The following GPC5 variants were observed in gnomAD, a reference collection of about 807,000 sequenced individuals.
GPC5 encodes the protein glypican-5.
Under a neutral mutation model 53.9 loss-of-function variants are expected in GPC5, and 47 were observed. The observed-to-expected ratio is 0.87, with a 90% CI of 0.69 to 1.11. The LOEUF (loss-of-function observed/expected upper bound fraction) is 1.11, where lower values mean the gene tolerates loss of function less well. Among genes scored for constraint, GPC5 ranks in the 50% most tolerant of loss-of-function variants. GPC5 has a pLI of 0.00. For synonymous variants in GPC5, 286 were observed against 263.3 expected, an observed-to-expected ratio of 1.09 and a Z score of -0.84; for missense variants, 748 against 713.1, an observed-to-expected ratio of 1.05 and a Z score of -0.56.
At chr13:92,063,766 G>A (rs2041142950) in intron 6 of GPC5, among the ~76,000 whole-genome samples, 1 of 151,982 alleles carries the variant, frequency 6.6e-6, no homozygotes, top group Non-Finnish European at 1.5e-5. Context: ...GGAGTTTCGG[G>A]TACCATAAAT....
At chr13:92,586,505 A>C (rs1228735875) in intron 7 of GPC5, among the ~76,000 whole-genome samples, 1 of 152,208 alleles carries the variant, frequency 6.6e-6, no homozygotes, top group Non-Finnish European at 1.5e-5. Flanking sequence ...GTCCTGATGA[A>C]ATTTTGCATT....
At chr13:91,690,793 C>G (rs903193944) in intron 2 of GPC5, among the ~76,000 whole-genome samples, 2 of 152,162 alleles carry the variant, frequency 1.3e-5, no homozygotes, top group Admixed American at 1.3e-4. Flanking sequence ...CTTTATTCCA[C>G]TAAGAATAAT....
chr13:91,855,152 G>A (rs1354699854), intron 5 of GPC5, among the ~76,000 whole-genome samples: 2 of 151,580 alleles, frequency 1.3e-5, no homozygotes, highest in Non-Finnish European at 3.0e-5. Context: ...TGTAAAATTC[G>A]ATAAAGACAA....
At chr13:92,565,576 C>A (rs1347936501) in intron 7 of GPC5, among the ~76,000 whole-genome samples, 1 of 152,032 alleles carries the variant, frequency 6.6e-6, no homozygotes, top group African/African-American at 2.4e-5. Flanking sequence ...GAGTTAATAA[C>A]TTTCAGTAAA....
intron 7 of GPC5, among the ~76,000 whole-genome samples, chr13:92,617,793 C>G (rs1884742621): frequency 6.6e-6 from 1 of 152,072 alleles, no homozygotes; most frequent in South Asian, 2.1e-4. Context: ...AAAATTTATA[C>G]TCATACTATA....
intron 7 of GPC5, among the ~76,000 whole-genome samples, chr13:92,527,339 C>G (rs17437291): frequency 9.9e-5 from 15 of 150,882 alleles, no homozygotes; most frequent in African/African-American, 3.4e-4. Flanking sequence ...CATATTTATG[C>G]GTCCAACAGA....
At position 91,502,295 on chromosome 13, in the gene GPC5, G is replaced by T. The variant is rs1216725710; in HGVS notation, c.325+53373G>T. Among the ~76,000 whole-genome samples the T allele has an allele frequency of 1.3e-5, 2 of 150,950 alleles. 1 individual carries two copies. The highest frequency in any genetic ancestry group is 2.9e-5 in the Non-Finnish European group (2 of 67,846). On this transcript the variant is annotated intron_variant, in intron 2 of 7. Coordinates refer to ENST00000377067, the MANE Select transcript of GPC5 (RefSeq NM_004466.6). ...TTGGCTTTTGTTGCCATTGCTTTTG[G>T]TGTTTTAGACATGAAGTCCTTGCTC...
rs146649213 is a variant in GPC5, at chr13:92,231,774, G to A, written c.1561+86785G>A. Among the ~76,000 whole-genome samples, 497 of 151,864 alleles carry A rather than the reference G, an allele frequency of 3.3e-3. 2 individuals carry two copies. Among genetic ancestry groups the A allele is most frequent in the African/African-American group, 0.011 (466 of 41,384 alleles). Reference sequence around the variant, plus strand: ...CGAGATCAGGAGTTTGAGACCAGCCGGGCCAACATGGTGAAACCCCATCTC... The same window carrying A: ...CGAGATCAGGAGTTTGAGACCAGCCAGGCCAACATGGTGAAACCCCATCTC... On this transcript the variant is annotated intron_variant, in intron 7 of 7. Coordinates refer to ENST00000377067, the MANE Select transcript of GPC5 (RefSeq NM_004466.6).
intron 7 of GPC5, among the ~76,000 whole-genome samples, chr13:92,629,411 T>C (rs1260035458): frequency 1.3e-5 from 2 of 152,154 alleles, no homozygotes; most frequent in African/African-American, 4.8e-5. Context: ...CTGTCTGTAT[T>C]GTGGGGGGAT....
intron 7 of GPC5, among the ~76,000 whole-genome samples, chr13:92,818,694 CAGA>C (rs1566431397): frequency 6.6e-6 from 1 of 151,886 alleles, no homozygotes; most frequent in Non-Finnish European, 1.5e-5. Context: ...TGTATTTTTG[CAGA>C]AGATCTGTAG....
At chr13:92,168,188 G>T (rs112332553) in intron 7 of GPC5, among the ~76,000 whole-genome samples, 1 of 152,124 alleles carries the variant, frequency 6.6e-6, no homozygotes, top group South Asian at 2.1e-4. Flanking sequence ...AAAATTAACT[G>T]AAGATGGATT....
intron 7 of GPC5, among the ~76,000 whole-genome samples, chr13:92,854,663 G>A (rs966353035): frequency 3.3e-5 from 5 of 151,930 alleles, no homozygotes; most frequent in African/African-American, 7.2e-5. Context: ...ATGATAAAGC[G>A]CAGGGAAGAA....
intron 7 of GPC5, among the ~76,000 whole-genome samples, chr13:92,391,205 T>C (rs529334427): frequency 2.7e-4 from 41 of 152,274 alleles, no homozygotes; most frequent in African/African-American, 8.2e-4. Flanking sequence ...TTTACATTAA[T>C]ATCATTAATT....
chr13:92,293,422 C>CTTT (rs748125673), intron 7 of GPC5, among the ~76,000 whole-genome samples: 10 of 77,272 alleles, frequency 1.3e-4, no homozygotes, highest in African/African-American at 2.2e-4. Flanking sequence ...TGGTTGGTTT[C>CTTT]TTTTTTTTTT....
At chr13:91,743,403 T>C (rs1489249003) in intron 4 of GPC5, among the ~76,000 whole-genome samples, 1 of 152,178 alleles carries the variant, frequency 6.6e-6, no homozygotes, top group Non-Finnish European at 1.5e-5. Context: ...TACAAATTAA[T>C]TGCATTTAGA....
intron 7 of GPC5, among the ~76,000 whole-genome samples, chr13:92,209,146 A>C (rs2042357672): frequency 6.6e-6 from 1 of 152,232 alleles, no homozygotes; most frequent in African/African-American, 2.4e-5. Context: ...ACAACTTCCA[A>C]TTAAACTTCA....
chr13:91,742,465 C>T (rs1393277322), intron 4 of GPC5, among the ~76,000 whole-genome samples: 1 of 152,134 alleles, frequency 6.6e-6, no homozygotes, highest in Non-Finnish European at 1.5e-5. Context: ...ATGGCCATTT[C>T]ATGAATCATC....
intron 4 of GPC5, among the ~76,000 whole-genome samples, chr13:91,732,520 A>G (rs557380471): frequency 6.6e-6 from 1 of 151,726 alleles, no homozygotes; most frequent in Non-Finnish European, 1.5e-5. Context: ...GAAGCTTTTT[A>G]GTTTAATTAG....
rs569732801 is a variant in GPC5 at position 91,431,606 on chromosome 13, T to G, written c.164-17155T>G. The stretch of plus-strand genomic sequence containing the variant: ...AACAGATTATACTCTGTGTTACAAT[T>G]ATAAATTCCCAGGTGAAAAAATCCA... On this transcript the variant is annotated intron_variant, in intron 1 of 7. Coordinates refer to ENST00000377067, the MANE Select transcript of GPC5 (RefSeq NM_004466.6). Among the ~76,000 whole-genome samples, 12 of 152,356 alleles carry G rather than the reference T, an allele frequency of 7.9e-5. No individual in the cohort carries two copies. The East Asian group carries it at 2.3e-3, about 29-fold the overall frequency.
Sources: gnomAD v4.1 joint callset for allele counts (sites outside exome capture counted in the v4.1 genomes callset) on GRCh38, gnomAD v4.1.1 for gene constraint, MANE v1.5 for transcripts, NCBI Gene and HGNC (gene_info 2026-07-23, HGNC 2026-07-21) for gene names.